AMOTL1: variants seen among roughly 807,000 people sequenced by gnomAD.
AMOTL1 encodes the protein angiomotin like 1, also known as angiomotin-like protein 1.
AMOTL1 carries 45 observed loss-of-function variants against 102.9 expected under a neutral mutation model. The observed-to-expected ratio is 0.44, with a 90% CI of 0.34 to 0.56. The LOEUF is 0.56. AMOTL1 is among the 20% of genes least tolerant of loss of function. AMOTL1 has a pLI of 0.01. For missense variants in AMOTL1, 1,114 were observed against 1,225.6 expected (o/e 0.91, Z 1.36); for synonymous variants, 481 against 484.7 (o/e 0.99, Z 0.10).
chr11:94,822,267 C>G (rs1385706634), intron 4 of AMOTL1, among the ~76,000 whole-genome samples: 1 of 152,082 alleles, frequency 6.6e-6, no homozygotes, highest in Non-Finnish European at 1.5e-5. Flanking sequence ...GGGCAACATG[C>G]CAAGACCCTG....
chr11:94,730,216 C>T (rs537390532), intron 2 of AMOTL1, among the ~76,000 whole-genome samples: 140 of 152,246 alleles, frequency 9.2e-4, no homozygotes, highest in African/African-American at 3.1e-3. Flanking sequence ...TCTGCCTGCC[C>T]CTCTAGATTC....
At chr11:94,768,041 G>C (rs1447419758), upstream of AMOTL1, among the ~76,000 whole-genome samples, 2 of 152,216 alleles carry the variant, frequency 1.3e-5, no homozygotes, top group Non-Finnish European at 2.9e-5. Context: ...ATTTTGGCCG[G>C]CATTGGGCTG....
At chr11:94,776,887 C>G (rs747403846) in intron 1 of AMOTL1, among the ~76,000 whole-genome samples, 8 of 152,206 alleles carry the variant, frequency 5.3e-5, no homozygotes, top group Non-Finnish European at 1.0e-4. Context: ...CTAAATATCA[C>G]TGCAGTTATA....
At chr11:94,729,829 G>T (rs902922149) in intron 2 of AMOTL1, among the ~76,000 whole-genome samples, 5 of 152,160 alleles carry the variant, frequency 3.3e-5, no homozygotes, top group Non-Finnish European at 4.4e-5. Context: ...TCTATTTTAT[G>T]CCAAGCACTA....
chr11:94,716,103 C>T (rs1184062680), intron 1 of AMOTL1, among the ~76,000 whole-genome samples: 1 of 152,078 alleles, frequency 6.6e-6, no homozygotes, highest in Non-Finnish European at 1.5e-5. Flanking sequence ...CTTAAGTTCA[C>T]TGATTCTGTC....
chr11:94,767,618 T>C (rs1291809466), upstream of AMOTL1, among the ~76,000 whole-genome samples: 2 of 152,192 alleles, frequency 1.3e-5, no homozygotes, highest in African/African-American at 4.8e-5. Flanking sequence ...TGGGGCAGGC[T>C]CGGGCACCCC....
chr11:94,786,582 TC>T (rs1951193299), intron 1 of AMOTL1, among the ~76,000 whole-genome samples: 9 of 152,042 alleles, frequency 5.9e-5, no homozygotes, highest in Non-Finnish European at 1.0e-4. Flanking sequence ...TTTTCTTTTT[TC>T]TTTTTTTCTT....
chr11:94,770,609 C>A (rs1950934751), intron 1 of AMOTL1, among the ~76,000 whole-genome samples: 1 of 152,106 alleles, frequency 6.6e-6, no homozygotes, highest in Non-Finnish European at 1.5e-5. Context: ...CCTCCCCCTT[C>A]TTTTTAAAAT....
intron 3 of AMOTL1, among the ~76,000 whole-genome samples, chr11:94,818,020 T>G (rs1342066622): frequency 6.6e-6 from 1 of 152,236 alleles, no homozygotes; most frequent in Non-Finnish European, 1.5e-5. Flanking sequence ...TCTCTCTACC[T>G]GATTTCTCCA....
chr11:94,827,725 G>T (rs1017791125), intron 4 of AMOTL1, among the ~76,000 whole-genome samples: 4 of 152,264 alleles, frequency 2.6e-5, no homozygotes, highest in African/African-American at 9.6e-5. Flanking sequence ...TCTCAGCTCG[G>T]CTCCAGTTGG....
At chr11:94,715,586 T>C (rs547570036) in intron 1 of AMOTL1, among the ~76,000 whole-genome samples, 1 of 152,140 alleles carries the variant, frequency 6.6e-6, no homozygotes, top group Non-Finnish European at 1.5e-5. Context: ...ATAATGTCTT[T>C]ATTTCCCCCT....
intron 6 of AMOTL1, among the ~76,000 whole-genome samples, chr11:94,842,129 T>A (rs1952314582): frequency 6.6e-6 from 1 of 152,250 alleles, no homozygotes; most frequent in African/African-American, 2.4e-5. Context: ...GAAAACTGTT[T>A]TAAAGACTCA....
intron 3 of AMOTL1, among the ~76,000 whole-genome samples, chr11:94,811,751 A>G (rs1291042956): frequency 6.6e-6 from 1 of 152,176 alleles, no homozygotes; most frequent in African/African-American, 2.4e-5. Flanking sequence ...AATTTATACA[A>G]TTACTGAGCA....
intron 1 of AMOTL1, among the ~76,000 whole-genome samples, chr11:94,770,463 G>A (rs1950931765): frequency 6.6e-6 from 1 of 152,242 alleles, no homozygotes; most frequent in African/African-American, 2.4e-5. Context: ...TGGGGGTTGG[G>A]GGGAGGGATG....
Position 94,768,577 on chromosome 11 carries a change from C to A in AMOTL1, c.49+17C>A. ...CGGTGAAAGGTAACCAGCCCCCACT[C>A]GAGGTGCCGGGAGGGCGTCTCCGAG... On this transcript the variant is annotated intron_variant, in intron 1 of 12. Transcript: ENST00000433060. 1 of 1,586,538 alleles carries A rather than the reference C, an allele frequency of 6.3e-7. No individual in the cohort carries two copies. Among genetic ancestry groups the A allele is most frequent in the African/African-American group, 1.3e-5 (1 of 74,264 alleles).
intron 3 of AMOTL1, among the ~76,000 whole-genome samples, chr11:94,802,204 G>C (rs954557449): frequency 1.4e-4 from 22 of 152,200 alleles, no homozygotes; most frequent in African/African-American, 5.1e-4. Context: ...GATCCAGGAG[G>C]CTCTTCTTCC....
chr11:94,760,518 C>T (rs1950778712), intron 3 of AMOTL1, among the ~76,000 whole-genome samples: 1 of 152,210 alleles, frequency 6.6e-6, no homozygotes, highest in South Asian at 2.1e-4. Flanking sequence ...GATCTTTGCA[C>T]ATGATATTGG....
intron 4 of AMOTL1, among the ~76,000 whole-genome samples, chr11:94,827,914 C>T (rs1460061121): frequency 1.3e-5 from 2 of 152,178 alleles, no homozygotes; most frequent in Non-Finnish European, 2.9e-5. Flanking sequence ...GTGCCCTGCC[C>T]CTCCTTTGGC....
In AMOTL1 at chr11:94,768,585, C is replaced by G. The variant is rs192694640; in HGVS notation, c.49+25C>G. 9,139 of 1,580,254 alleles carry G rather than the reference C, an allele frequency of 5.8e-3. 118 individuals carry two copies. Among genetic ancestry groups the G allele is most frequent in the South Asian group, 0.037 (3,179 of 85,900 alleles). On this transcript the variant is annotated intron_variant, in intron 1 of 12. Transcript: ENST00000433060. Reference sequence around the variant, plus strand: ...GGTAACCAGCCCCCACTCGAGGTGCCGGGAGGGCGTCTCCGAGTCTCCCAC... The same window carrying G: ...GGTAACCAGCCCCCACTCGAGGTGCGGGGAGGGCGTCTCCGAGTCTCCCAC...
Sources: allele counts gnomAD v4.1 joint callset (sites outside exome capture counted in the v4.1 genomes callset), GRCh38; gene constraint gnomAD v4.1.1; transcripts MANE v1.5; gene names NCBI Gene and HGNC (gene_info 2026-07-23, HGNC 2026-07-21).